The following SEMA4D variants were observed in gnomAD, a reference collection of about 807,000 sequenced individuals.
The protein encoded by SEMA4D is semaphorin-4D.
In SEMA4D, 22 loss-of-function variants were observed where a neutral mutation model predicts 74.8. The ratio of observed to expected loss-of-function variants is 0.29; its 90% CI spans 0.21 to 0.42. The LOEUF (loss-of-function observed/expected upper bound fraction) is 0.42, where lower values mean the gene tolerates loss of function less well. Ranked by LOEUF, SEMA4D falls within the 10% of genes least tolerant of loss-of-function variation. The pLI is 1.00. For missense variants in SEMA4D, 937 were observed against 1,118.4 expected (o/e 0.84, Z 2.31); for synonymous variants, 445 against 463.7 (o/e 0.96, Z 0.52).
intron 2 of SEMA4D, among the ~76,000 whole-genome samples, chr9:89,437,153 T>G (rs139427469): frequency 6.6e-6 from 1 of 152,176 alleles, no homozygotes; most frequent in African/African-American, 2.4e-5. Flanking sequence ...TGGCCTCTTT[T>G]GTTAGGGGCT....
chr9:89,467,446 G>A (rs1407725177), intron 1 of SEMA4D, among the ~76,000 whole-genome samples: 1 of 146,712 alleles, frequency 6.8e-6, no homozygotes, highest in Non-Finnish European at 1.5e-5. Flanking sequence ...CTCCTCCTTT[G>A]AGTTACCTGA....
intron 12 of SEMA4D, 32 bp downstream of exon 12, chr9:89,387,354 A>G (rs768521309): frequency 6.5e-7 from 1 of 1,548,714 alleles, no homozygotes; most frequent in East Asian, 2.3e-5. Flanking sequence ...ATGTGCTGTC[A>G]CTGTCAAGCC....
chr9:89,402,473 G>T (rs1380525014), intron 4 of SEMA4D, among the ~76,000 whole-genome samples: 1 of 152,090 alleles, frequency 6.6e-6, no homozygotes, highest in Non-Finnish European at 1.5e-5. Context: ...AGCTATTTTT[G>T]ATTATTTGCA....
At chr9:89,413,974 T>C (rs1170923064) in intron 2 of SEMA4D, among the ~76,000 whole-genome samples, 3 of 152,222 alleles carry the variant, frequency 2.0e-5, no homozygotes, top group African/African-American at 7.2e-5. Context: ...TGTTGCATCT[T>C]AGATGTGAAT....
chr9:89,441,572 C>A (rs1851669563), intron 2 of SEMA4D, among the ~76,000 whole-genome samples: 1 of 152,212 alleles, frequency 6.6e-6, no homozygotes, highest in African/African-American at 2.4e-5. Flanking sequence ...ATGCCCCAGA[C>A]CATGGGAAGG....
At chr9:89,447,021 C>T (rs1277984532) in intron 2 of SEMA4D, among the ~76,000 whole-genome samples, 1 of 152,098 alleles carries the variant, frequency 6.6e-6, no homozygotes, top group Non-Finnish European at 1.5e-5. Context: ...TGGATCTGTC[C>T]ATCTCATCTC....
chr9:89,443,515 C>T (rs1200927479), intron 2 of SEMA4D, among the ~76,000 whole-genome samples: 5 of 152,250 alleles, frequency 3.3e-5, no homozygotes, highest in Admixed American at 6.5e-5. Flanking sequence ...GGACTCCACC[C>T]GCCCATAATA....
At chr9:89,437,439 C>T (rs972198799) in intron 2 of SEMA4D, among the ~76,000 whole-genome samples, 1 of 152,192 alleles carries the variant, frequency 6.6e-6, no homozygotes, top group East Asian at 1.9e-4. Flanking sequence ...GAAGCTCGCC[C>T]TGAGTCTCTG....
intron 1 of SEMA4D, among the ~76,000 whole-genome samples, chr9:89,480,628 G>T (rs767962606): frequency 4.9e-4 from 74 of 152,360 alleles, no homozygotes; most frequent in Middle Eastern, 3.4e-3. Flanking sequence ...ACTGCTGGGG[G>T]ACTCAGTACA....
At chr9:89,491,031 C>T (rs116686836) in intron 1 of SEMA4D, among the ~76,000 whole-genome samples, 2,599 of 151,006 alleles carry the variant, frequency 0.017, 69 homozygotes, top group African/African-American at 0.059. Flanking sequence ...AGTCACATGG[C>T]TATCTACATG....
At chr9:89,398,214 C>T (rs1457512437) in intron 5 of SEMA4D, among the ~76,000 whole-genome samples, 3 of 152,142 alleles carry the variant, frequency 2.0e-5, no homozygotes, top group Non-Finnish European at 2.9e-5. Flanking sequence ...CCACAGCCCA[C>T]CCTGCCCTCA....
In SEMA4D at chr9:89,476,027, G is replaced by A. The variant is rs911991205; in HGVS notation, c.-309-20074C>T. ...ATATGGGGCCAGTGGTGACCGGAAT[G>A]AAGCAACCTTCCTAAGAAGCAGAAG... is the stretch of plus-strand genomic sequence containing the variant. On this transcript the variant is annotated intron_variant, in intron 1 of 15. Transcript: ENST00000422704. 2.6e-5 allele frequency among the ~76,000 whole-genome samples: 4 copies of A among 152,194 alleles called. No homozygotes were observed. The East Asian group carries it at 7.7e-4, about 29-fold the overall frequency.
chr9:89,420,247 T>C (rs1288626465), intron 2 of SEMA4D, among the ~76,000 whole-genome samples: 1 of 152,158 alleles, frequency 6.6e-6, no homozygotes, highest in Non-Finnish European at 1.5e-5. Context: ...CAACCCCGCG[T>C]TGCCTTCACC....
intron 1 of SEMA4D, among the ~76,000 whole-genome samples, chr9:89,494,239 AC>A (rs1175655609): frequency 6.6e-6 from 1 of 152,212 alleles, no homozygotes; most frequent in Non-Finnish European, 1.5e-5. Context: ...ACAGAAACAA[AC>A]CATACATAAG....
intron 1 of SEMA4D, among the ~76,000 whole-genome samples, chr9:89,456,306 G>C (rs1225283667): frequency 1.3e-5 from 2 of 152,240 alleles, no homozygotes; most frequent in African/African-American, 4.8e-5. Context: ...GTGAGCTCTA[G>C]TGCAGGAGGC....
intron 2 of SEMA4D, among the ~76,000 whole-genome samples, chr9:89,440,383 T>G (rs72748997): frequency 6.6e-6 from 1 of 152,262 alleles, no homozygotes; most frequent in Non-Finnish European, 1.5e-5. Context: ...GACATGCCTC[T>G]GCCAAAAAGC....
chr9:89,379,116 A>G lies in SEMA4D; in HGVS notation c.2177T>C (p.Met726Thr), dbSNP rs778451558. ...GCGGTTGTCGCTGGACTTAAGATAC[A>G]TGGTTTTCTCCGAGTGGAGCTGGGG... ...TVPQLHSEKT[M>T]YLKSSDNRLL... The change falls in exon 16 of 16, where the codon ATG becomes ACG. Residue 726 changes from methionine (M) to threonine (T), a missense_variant. Met to Thr is a moderately conservative substitution (Grantham distance 81). Transcript: ENST00000422704. 3.1e-6 allele frequency: 5 copies of G among 1,614,136 alleles called. 1 individual carries two copies. The South Asian group carries it at 3.3e-5, about 11-fold the overall frequency.
At chr9:89,399,169 C>A in intron 5 of SEMA4D, 107 bp downstream of exon 5, 1 of 902,240 alleles carries the variant, frequency 1.1e-6, no homozygotes, top group South Asian at 1.4e-5. Flanking sequence ...ATGAACAGAG[C>A]CTGGAGAAAA....
rs1308700548 is a variant in SEMA4D, at chr9:89,484,663, T to C, written c.-310+13256A>G. Among the ~76,000 whole-genome samples, 1 of 150,716 alleles carries C rather than the reference T, an allele frequency of 6.6e-6. No individual in the cohort carries two copies. The highest frequency in any genetic ancestry group is 1.5e-5 in the Non-Finnish European group (1 of 67,612). ...TATATGTAGTGTGTGTGTGGTGTGG[T>C]GTGTGTATGTAGTGTGGTGGCTGTG... is the stretch of plus-strand genomic sequence containing the variant. On this transcript the variant is annotated intron_variant, in intron 1 of 15. Transcript: ENST00000422704. The surrounding 1 kb of genome is among the most constrained non-coding windows in gnomAD (Gnocchi z 4.1).
Sources: allele counts gnomAD v4.1 joint callset (sites outside exome capture counted in the v4.1 genomes callset), GRCh38; gene constraint gnomAD v4.1.1; non-coding constraint Gnocchi (gnomAD v3.1); transcripts MANE v1.5; gene names NCBI Gene and HGNC (gene_info 2026-07-23, HGNC 2026-07-21).